LMF1: variants seen among roughly 807,000 people sequenced by gnomAD.
LMF1 encodes the protein lipase maturation factor 1.
LMF1 carries 68 observed loss-of-function variants against 60.6 expected under a neutral mutation model. That is an observed-to-expected ratio of 1.12 (90% CI 0.92 to 1.37). The LOEUF (loss-of-function observed/expected upper bound fraction) is 1.37. Ranked by LOEUF, LMF1 falls within the 40% of genes most tolerant of loss-of-function variation. The pLI is 0.00. For synonymous variants in LMF1, 418 were observed against 324.7 expected, an observed-to-expected ratio of 1.29 and a Z score of -3.09; for missense variants, 948 against 767.2, an observed-to-expected ratio of 1.24 and a Z score of -2.78.
intron 2 of LMF1, among the ~76,000 whole-genome samples, chr16:937,060 C>T (rs368377282): frequency 3.0e-4 from 45 of 152,160 alleles, no homozygotes; most frequent in Non-Finnish European, 5.4e-4. Context: ...AAGCGTTGTG[C>T]AGAGAAGGGG....
intron 8 of LMF1, 137 bp from the exon 9 acceptor site, chr16:870,203 G>C (rs541722851): frequency 3.0e-6 from 3 of 1,005,546 alleles, no homozygotes; most frequent in East Asian, 2.6e-5. Flanking sequence ...CTCCTGGTCA[G>C]GGGCTACTGA....
intron 10 of LMF1, among the ~76,000 whole-genome samples, chr16:867,722 C>A (rs766423346): frequency 6.6e-6 from 1 of 152,180 alleles, no homozygotes; most frequent in Admixed American, 6.5e-5. Context: ...ATGGAGCCTC[C>A]CCTGGACTGC....
At chr16:934,711 A>G (rs1454631806) in intron 2 of LMF1, among the ~76,000 whole-genome samples, 5 of 152,204 alleles carry the variant, frequency 3.3e-5, no homozygotes, top group Non-Finnish European at 2.9e-5. Context: ...TTGAATCCCA[A>G]CCAAAAGGGG....
intron 2 of LMF1, among the ~76,000 whole-genome samples, chr16:949,360 A>G (rs1377991067): frequency 2.0e-5 from 3 of 150,730 alleles, no homozygotes; most frequent in Non-Finnish European, 3.0e-5. Context: ...GTCAGAGACA[A>G]TGACAGAGTC....
intron 5 of LMF1, among the ~76,000 whole-genome samples, chr16:881,013 G>A (rs1189156413): frequency 6.6e-6 from 1 of 152,218 alleles, no homozygotes; most frequent in Non-Finnish European, 1.5e-5. Context: ...ACGCCCTGCA[G>A]GGAGGGAGGC....
At chr16:873,668 C>T (rs1162776043) in intron 6 of LMF1, 1 of 152,206 alleles carries the variant, frequency 6.6e-6, no homozygotes, top group Non-Finnish European at 1.5e-5. Flanking sequence ...CGGGGACCCT[C>T]TGCTGAGGAA....
chr16:958,912 A>G (rs898894185), intron 1 of LMF1, among the ~76,000 whole-genome samples: 9 of 151,972 alleles, frequency 5.9e-5, no homozygotes, highest in Middle Eastern at 3.4e-3. Flanking sequence ...AACAAAACAA[A>G]AAAAACACGA....
rs184085757 is a variant in LMF1 at position 877,944 on chromosome 16, G to T, written c.897+1626C>A. Among the ~76,000 whole-genome samples the T allele has an allele frequency of 8.1e-4, 124 of 152,252 alleles. 1 individual carries two copies. The highest frequency in any genetic ancestry group is 2.7e-3 in the African/African-American group (111 of 41,548). The stretch of plus-strand genomic sequence containing the variant: ...GCACCATTTACAACATCAACAAAAA[G>T]AAGTCACCTCAGAGCTGCAGCCTAC... On this transcript the variant is annotated intron_variant, in intron 6 of 10. Coordinates refer to ENST00000262301, the MANE Select transcript of LMF1 (RefSeq NM_022773.4).
rs1400082726 is a variant in LMF1 at position 878,573 on chromosome 16, C to T, written c.897+997G>A. 6.6e-6 allele frequency among the ~76,000 whole-genome samples: 1 copy of T among 152,238 alleles called. No individual in the cohort carries two copies. The highest frequency in any genetic ancestry group is 2.4e-5 in the African/African-American group (1 of 41,450). ...TGAAAACCAGAAACTACCACACGTG[C>T]ACAGACGGGACGGGTGAACCGACCG... On this transcript the variant is annotated intron_variant, in intron 6 of 10. Transcript: ENST00000262301. The surrounding 1 kb of genome is among the most constrained non-coding windows in gnomAD (Gnocchi z 5.2).
Position 910,984 on chromosome 16 carries a change from G to A in LMF1, c.610C>T (p.Arg204Trp), listed in dbSNP as rs375836686. The A allele has an allele frequency of 1.7e-5, 27 of 1,612,962 alleles. No individual in the cohort carries two copies. The highest frequency in any genetic ancestry group is 8.0e-5 in the African/African-American group (6 of 74,918). Residue 204 changes from arginine to tryptophan, a missense_variant, in exon 4 of 11, where the codon CGG (arginine) becomes TGG (tryptophan). Arg to Trp is a moderately radical substitution (Grantham distance 101). Transcript: ENST00000262301. Reference protein sequence around the residue: ...SRLPQHTPTSRIVLWGFRWLI... With the variant: ...SRLPQHTPTSWIVLWGFRWLI... ...CACCGGAAGCCCCACAGGACAATCCGGGATGTGGGGGTATGCTGGGGCAGC... is the reference window on the plus strand; with the variant it reads ...CACCGGAAGCCCCACAGGACAATCCAGGATGTGGGGGTATGCTGGGGCAGC...
chr16:883,112 C>T (rs1209564873), intron 5 of LMF1, among the ~76,000 whole-genome samples: 2 of 150,114 alleles, frequency 1.3e-5, no homozygotes, highest in African/African-American at 4.9e-5. Flanking sequence ...AGGAGCCACC[C>T]AGCGGAGCCC....
intron 10 of LMF1, among the ~76,000 whole-genome samples, chr16:859,158 G>T (rs1348353303): frequency 2.4e-3 from 283 of 118,944 alleles, no homozygotes; most frequent in African/African-American, 0.012. Flanking sequence ...GTGTGCAGTG[G>T]TGTCTCGGGA....
chr16:918,798 C>T (rs1182972682), intron 3 of LMF1, among the ~76,000 whole-genome samples: 1 of 151,986 alleles, frequency 6.6e-6, no homozygotes, highest in Admixed American at 6.5e-5. Context: ...GCGGGGCCGA[C>T]GTCCCGGGGC....
At chr16:949,595 G>GACA (rs200609353) in intron 2 of LMF1, among the ~76,000 whole-genome samples, 8 of 71,138 alleles carry the variant, frequency 1.1e-4, no homozygotes, top group African/African-American at 5.8e-4. Context: ...CAGAGTCAGA[G>GACA]ACGACAGAGT....
intron 2 of LMF1, among the ~76,000 whole-genome samples, chr16:950,807 CGACAG>C (rs2072437108): frequency 9.0e-6 from 1 of 111,406 alleles, no homozygotes; most frequent in Non-Finnish European, 1.8e-5. Context: ...CAGAGTCAGA[CGACAG>C]AGTCAGCCAA....
intron 10 of LMF1, among the ~76,000 whole-genome samples, chr16:862,945 C>G (rs1198123623): frequency 6.6e-6 from 1 of 152,142 alleles, no homozygotes; most frequent in South Asian, 2.1e-4. Flanking sequence ...TAGAATTCTC[C>G]AGTGAAACCA....
intron 3 of LMF1, among the ~76,000 whole-genome samples, chr16:927,043 G>A (rs1233316547): frequency 6.6e-6 from 1 of 152,172 alleles, no homozygotes; most frequent in Non-Finnish European, 1.5e-5. Flanking sequence ...AAGGGCCACT[G>A]CACCCAGGCG....
intron 6 of LMF1, chr16:873,935 G>A (rs371533417): frequency 6.6e-6 from 1 of 152,354 alleles, no homozygotes; most frequent in Non-Finnish European, 1.5e-5. Context: ...TGGTGCTCAG[G>A]GAGGGAGGCT....
intron 6 of LMF1, chr16:873,355 GC>G (rs1479995230): frequency 5.3e-5 from 8 of 152,292 alleles, no homozygotes; most frequent in African/African-American, 1.9e-4. Flanking sequence ...AGATGACCCG[GC>G]CGGTGGCTGG....
Sources: gnomAD v4.1 joint callset for allele counts (sites outside exome capture counted in the v4.1 genomes callset) on GRCh38, gnomAD v4.1.1 for gene constraint, Gnocchi (gnomAD v3.1) non-coding constraint, MANE v1.5 for transcripts, NCBI Gene and HGNC (gene_info 2026-07-23, HGNC 2026-07-21) for gene names.